ST7: variants seen among roughly 807,000 people sequenced by gnomAD.
The protein encoded by ST7 is suppression of tumorigenicity 7, also known as suppressor of tumorigenicity 7 protein.
Under a neutral mutation model 78.7 loss-of-function variants are expected in ST7, and 28 were observed. The ratio of observed to expected loss-of-function variants is 0.36; its 90% confidence interval spans 0.26 to 0.49. ST7 has a LOEUF of 0.49. Ranked by LOEUF, ST7 falls within the 20% of genes least tolerant of loss-of-function variation. ST7 has a pLI of 0.99. For synonymous variants in ST7, 247 were observed against 249.6 expected (o/e 0.99, Z 0.10); for missense variants, 418 against 696.0 (o/e 0.60, Z 4.49).
intron 10 of ST7, among the ~76,000 whole-genome samples, chr7:117,172,869 T>C: frequency 6.6e-6 from 1 of 152,342 alleles, no homozygotes; most frequent in Admixed American, 6.5e-5. Context: ...GGCAAGCCTC[T>C]TAAGGCTCCT....
At chr7:116,976,642 A>G (rs1562988653) in intron 1 of ST7, among the ~76,000 whole-genome samples, 1 of 152,224 alleles carries the variant, frequency 6.6e-6, no homozygotes, top group Non-Finnish European at 1.5e-5. Flanking sequence ...GCCAAGCCCA[A>G]CATCCGTGAG....
chr7:117,079,209 T>C (rs1159369700), intron 1 of ST7, among the ~76,000 whole-genome samples: 2 of 152,212 alleles, frequency 1.3e-5, no homozygotes, highest in Non-Finnish European at 2.9e-5. Flanking sequence ...TTATATTGTA[T>C]TAGGTATTAT....
At chr7:117,068,078 G>C (rs1798738009) in intron 1 of ST7, among the ~76,000 whole-genome samples, 1 of 151,958 alleles carries the variant, frequency 6.6e-6, no homozygotes, top group African/African-American at 2.4e-5. Context: ...TGATAATTTA[G>C]GCCTCTGGAA....
At chr7:116,983,156 C>T (rs1794034229) in intron 1 of ST7, among the ~76,000 whole-genome samples, 1 of 152,186 alleles carries the variant, frequency 6.6e-6, no homozygotes, top group Admixed American at 6.5e-5. Flanking sequence ...CCTTGGCCTC[C>T]CAAAGTGCTG....
intron 12 of ST7, among the ~76,000 whole-genome samples, 176 bp downstream of exon 12, chr7:117,191,112 G>A (rs1727690210): frequency 6.6e-6 from 1 of 152,206 alleles, no homozygotes; most frequent in African/African-American, 2.4e-5. Flanking sequence ...CTATACTCAA[G>A]AGGCTTTGGG....
At chr7:116,954,478 G>C (rs934380571) in intron 1 of ST7, 1 of 152,276 alleles carries the variant, frequency 6.6e-6, no homozygotes, top group African/African-American at 2.4e-5. Flanking sequence ...TGCTCAGCAA[G>C]TGCCGCGTGC....
At chr7:116,972,267 A>G in intron 1 of ST7, 2 of 552,572 alleles carry the variant, frequency 3.6e-6, no homozygotes, top group South Asian at 1.6e-5. Flanking sequence ...CTTCAATTGT[A>G]TTTTCCAGCT....
chr7:117,016,576 G>A (rs1795626677), intron 1 of ST7, among the ~76,000 whole-genome samples: 1 of 152,152 alleles, frequency 6.6e-6, no homozygotes. Context: ...TAGACATCAA[G>A]AGAATCCTAA....
At chr7:117,014,541 C>T (rs1563012369) in intron 1 of ST7, among the ~76,000 whole-genome samples, 1 of 152,146 alleles carries the variant, frequency 6.6e-6, no homozygotes, top group Non-Finnish European at 1.5e-5. Flanking sequence ...TATGTACTAT[C>T]AAATGAATGA....
intron 13 of ST7, 59 bp downstream of exon 13, chr7:117,209,996 T>C: frequency 6.4e-7 from 1 of 1,570,860 alleles, no homozygotes; most frequent in Non-Finnish European, 8.6e-7. Context: ...CTAAAATGTT[T>C]TTGCACTGTT....
chr7:117,223,048 A>C (rs982300376), intron 15 of ST7: 6 of 1,122,778 alleles, frequency 5.3e-6, no homozygotes, highest in South Asian at 3.8e-5. Context: ...TCCGCCATCC[A>C]CCCCGTTGCT....
At chr7:117,027,948 T>C (rs903152132) in intron 1 of ST7, among the ~76,000 whole-genome samples, 3 of 152,198 alleles carry the variant, frequency 2.0e-5, no homozygotes, top group Admixed American at 6.5e-5. Context: ...GAAAATATGA[T>C]GTGTGGGCTT....
chr7:117,046,636 A>G (rs1797506616), intron 1 of ST7, among the ~76,000 whole-genome samples: 1 of 152,160 alleles, frequency 6.6e-6, no homozygotes, highest in Non-Finnish European at 1.5e-5. Context: ...TGCCTAGGAC[A>G]GGGCCTGGAC....
rs1271024728 is a variant in ST7 at position 117,219,135 on chromosome 7, A to G, written c.1457A>G (p.Tyr486Cys). 6.2e-7 allele frequency: 1 copy of G among 1,613,396 alleles called. No individual in the cohort carries two copies. The highest frequency in any genetic ancestry group is 1.1e-5 in the South Asian group (1 of 90,946). ...GAAAAGGGGCACCTATTTTATCCTT[A>G]CCCAATCTGTACAGAAACAGCAGAC... ...PLEKGHLFYP[Y>C]PICTETADRE... Residue 486 changes from tyrosine (Y) to cysteine (C), a missense_variant, in exon 14 of 16, where the codon TAC becomes TGC. Transcript: ENST00000323984. The surrounding 1 kb of genome is among the most constrained non-coding windows in gnomAD (Gnocchi z 5.1).
chr7:117,208,776 C>G (rs949632588), intron 12 of ST7, among the ~76,000 whole-genome samples: 5 of 151,994 alleles, frequency 3.3e-5, no homozygotes, highest in Admixed American at 2.6e-4. Flanking sequence ...TTTTGAACAC[C>G]TTTTTAAGCG....
At chr7:117,034,539 A>G (rs1241449619) in intron 1 of ST7, among the ~76,000 whole-genome samples, 1 of 152,158 alleles carries the variant, frequency 6.6e-6, no homozygotes, top group East Asian at 1.9e-4. Context: ...CCTTTTCTTT[A>G]TTCATGAAAA....
intron 1 of ST7, among the ~76,000 whole-genome samples, chr7:116,998,094 A>AG (rs546222301): frequency 5.4e-4 from 83 of 152,312 alleles, no homozygotes; most frequent in African/African-American, 1.9e-3. Flanking sequence ...CCATGGAGGC[A>AG]GGGGGGAGGC....
intron 15 of ST7, chr7:117,223,303 C>T (rs1379865663): frequency 2.0e-5 from 6 of 297,742 alleles, no homozygotes; most frequent in South Asian, 4.9e-5. Flanking sequence ...TATCCTCCAC[C>T]GTCTTTCTTT....
chr7:117,222,601 C>A (rs925359265), intron 15 of ST7, among the ~76,000 whole-genome samples: 4 of 152,016 alleles, frequency 2.6e-5, no homozygotes, highest in Non-Finnish European at 5.9e-5. Flanking sequence ...CTTTAAGGAG[C>A]TTGGGGAGAG....
Sources: allele counts gnomAD v4.1 joint callset (sites outside exome capture counted in the v4.1 genomes callset), GRCh38; gene constraint gnomAD v4.1.1; non-coding constraint Gnocchi (gnomAD v3.1); transcripts MANE v1.5; gene names NCBI Gene and HGNC (gene_info 2026-07-23, HGNC 2026-07-21).